Variants in KLHL1 observed in about 807,000 individuals in gnomAD.
The protein encoded by KLHL1 is kelch-like protein 1.
KLHL1 carries 47 observed loss-of-function variants against 77.7 expected under a neutral mutation model. That is an observed-to-expected ratio of 0.60 (90% CI 0.48 to 0.77). The LOEUF (loss-of-function observed/expected upper bound fraction) is 0.77, where lower values mean the gene tolerates loss of function less well. Ranked by LOEUF, KLHL1 falls within the 30% of genes least tolerant of loss-of-function variation. The probability of loss-of-function intolerance (pLI) is 0.00; values close to 1 mark genes in which losing one functional copy is unlikely to be tolerated. For synonymous variants in KLHL1, 360 were observed against 325.2 expected (o/e 1.11, Z -1.15); for missense variants, 925 against 910.8 (o/e 1.02, Z -0.20).
intron 1 of KLHL1, among the ~76,000 whole-genome samples, chr13:70,042,066 G>A (rs1886390799): frequency 6.6e-6 from 1 of 152,056 alleles, no homozygotes; most frequent in Admixed American, 6.6e-5. Context: ...GAAAAAGCAG[G>A]CTTATCCTAG....
chr13:69,845,618 A>G (rs192192635), intron 5 of KLHL1, among the ~76,000 whole-genome samples: 1 of 151,682 alleles, frequency 6.6e-6, no homozygotes, highest in Non-Finnish European at 1.5e-5. Context: ...ATACCTGACA[A>G]AATTTCAAGT....
At chr13:69,999,762 G>T (rs1046478986) in intron 1 of KLHL1, among the ~76,000 whole-genome samples, 3 of 152,068 alleles carry the variant, frequency 2.0e-5, no homozygotes, top group African/African-American at 7.2e-5. Context: ...AAGCATCTCT[G>T]ACAAAATATG....
At chr13:69,728,536 T>C (rs974659160) in intron 8 of KLHL1, among the ~76,000 whole-genome samples, 1 of 151,642 alleles carries the variant, frequency 6.6e-6, no homozygotes, top group Admixed American at 6.6e-5. Flanking sequence ...CATGAAGCTT[T>C]GCACACCTGT....
At chr13:69,966,678 G>A (rs571050238) in intron 2 of KLHL1, among the ~76,000 whole-genome samples, 2 of 151,970 alleles carry the variant, frequency 1.3e-5, no homozygotes, top group East Asian at 3.9e-4. Context: ...TTGTGTAATG[G>A]TCAATACAGG....
intron 1 of KLHL1, among the ~76,000 whole-genome samples, chr13:70,022,159 G>A (rs915324189): frequency 6.6e-6 from 1 of 151,780 alleles, no homozygotes; most frequent in Non-Finnish European, 1.5e-5. Flanking sequence ...TTGGGGGAGG[G>A]TATAAGGTTT....
At chr13:69,915,690 C>A (rs1257007685) in intron 4 of KLHL1, among the ~76,000 whole-genome samples, 1 of 152,014 alleles carries the variant, frequency 6.6e-6, no homozygotes, top group Admixed American at 6.6e-5. Flanking sequence ...TGGGCAAGGA[C>A]TTCATGTCTA....
At chr13:69,747,509 T>G (rs1422104847) in intron 7 of KLHL1, among the ~76,000 whole-genome samples, 1 of 152,056 alleles carries the variant, frequency 6.6e-6, no homozygotes, top group Non-Finnish European at 1.5e-5. Context: ...AGAATCGGAT[T>G]CATTGCAGTC....
At chr13:70,022,338 A>T (rs2137353743) in intron 1 of KLHL1, among the ~76,000 whole-genome samples, 1 of 149,740 alleles carries the variant, frequency 6.7e-6, no homozygotes, top group East Asian at 2.0e-4. Flanking sequence ...ATTCTATTCC[A>T]TTGACCTAGT....
Position 69,849,329 on chromosome 13 carries a change from C to T in KLHL1, c.1228-10167G>A, listed in dbSNP as rs545867154. ...TATTCAACAAATTTAGATGAGTATG[C>T]CAAAAATTCTACAATATAACTCTTT... On this transcript the variant is annotated intron_variant, in intron 5 of 10. Transcript: ENST00000377844. Among the ~76,000 whole-genome samples, 5 of 151,484 alleles carry T rather than the reference C, an allele frequency of 3.3e-5. 1 individual carries two copies. The South Asian group carries it at 8.3e-4, about 25-fold the overall frequency.
intron 5 of KLHL1, among the ~76,000 whole-genome samples, chr13:69,872,914 C>T (rs536602447): frequency 6.6e-6 from 1 of 152,252 alleles, no homozygotes; most frequent in South Asian, 2.1e-4. Flanking sequence ...CCACCTCCAA[C>T]ACTGGGGATT....
intron 1 of KLHL1, among the ~76,000 whole-genome samples, chr13:69,980,429 C>T (rs1472996131): frequency 6.6e-6 from 1 of 152,070 alleles, no homozygotes; most frequent in South Asian, 2.1e-4. Flanking sequence ...ATTATAAGTG[C>T]CTGTATGATC....
chr13:69,837,664 GTGTGTGTA>G (rs1272150687), intron 6 of KLHL1, among the ~76,000 whole-genome samples: 22 of 126,968 alleles, frequency 1.7e-4, no homozygotes, highest in African/African-American at 7.9e-4. Context: ...ATATGTGTGT[GTGTGTGTA>G]TATATATATA....
chr13:69,862,312 G>A (rs1214219108), intron 5 of KLHL1, among the ~76,000 whole-genome samples: 4 of 151,870 alleles, frequency 2.6e-5, no homozygotes, highest in Non-Finnish European at 5.9e-5. Flanking sequence ...GAGAGAGAGA[G>A]AAGCAAATAT....
intron 5 of KLHL1, among the ~76,000 whole-genome samples, chr13:69,842,891 T>C (rs1879322110): frequency 1.3e-5 from 2 of 151,764 alleles, no homozygotes; most frequent in African/African-American, 4.8e-5. Context: ...TATAGCAACA[T>C]GTATGGAACT....
At chr13:69,709,038 T>C (rs1875758254) in intron 9 of KLHL1, among the ~76,000 whole-genome samples, 1 of 152,068 alleles carries the variant, frequency 6.6e-6, no homozygotes, top group Non-Finnish European at 1.5e-5. Context: ...CACAATGTGA[T>C]GTGAATTTGC....
At chr13:70,002,196 T>G (rs1885308642) in intron 1 of KLHL1, among the ~76,000 whole-genome samples, 1 of 151,482 alleles carries the variant, frequency 6.6e-6, no homozygotes, top group Non-Finnish European at 1.5e-5. Flanking sequence ...AAAATTACCA[T>G]TCATGCAAAG....
intron 7 of KLHL1, among the ~76,000 whole-genome samples, chr13:69,791,245 ATTAT>A (rs1876858582): frequency 6.6e-6 from 1 of 151,890 alleles, no homozygotes; most frequent in East Asian, 1.9e-4. Flanking sequence ...TCAAAAATAA[ATTAT>A]TTAGGAATAA....
rs1050465196 is a variant in KLHL1, at chr13:69,743,229, G to C, written c.1640-2673C>G. On this transcript the variant is annotated intron_variant, in intron 7 of 10. Coordinates refer to ENST00000377844, the MANE Select transcript of KLHL1 (RefSeq NM_020866.3). ...TATAAGAGCAATGGAAAATCACTGA[G>C]ATATTTCATAATAGGTATGTGATTG... Among the ~76,000 whole-genome samples the C allele has an allele frequency of 3.3e-5, 5 of 150,262 alleles. No homozygotes were observed. In the East Asian group the frequency reaches 7.8e-4, roughly 24 times the overall value.
At position 69,769,777 on chromosome 13, in the gene KLHL1, T is replaced by A. The variant is rs148361092; in HGVS notation, c.1639+26961A>T. 1.7e-4 allele frequency among the ~76,000 whole-genome samples: 26 copies of A among 152,080 alleles called. No homozygotes were observed. In the East Asian group the frequency reaches 4.5e-3, roughly 26 times the overall value. ...TTGTTGTTGAGAGCTATTCTGTCAC[T>A]CAGTAAAATTCTTCCCTGCCTTGCT... On this transcript the variant is annotated intron_variant, in intron 7 of 10. Coordinates refer to ENST00000377844, the MANE Select transcript of KLHL1 (RefSeq NM_020866.3).
Sources: gnomAD v4.1 joint callset for allele counts (sites outside exome capture counted in the v4.1 genomes callset) on GRCh38, gnomAD v4.1.1 for gene constraint, MANE v1.5 for transcripts, NCBI Gene and HGNC (gene_info 2026-07-23, HGNC 2026-07-21) for gene names.